The following SLC12A7 variants were observed in gnomAD, a reference collection of about 807,000 sequenced individuals.
The protein encoded by SLC12A7 is solute carrier family 12 member 7.
In SLC12A7, 100 loss-of-function variants were observed where a neutral mutation model predicts 120.6. The observed-to-expected ratio is 0.83, with a 90% confidence interval of 0.71 to 0.98. The LOEUF is 0.98. Ranked by LOEUF, SLC12A7 falls within the 50% of genes least tolerant of loss-of-function variation. The pLI is 0.00. For missense variants in SLC12A7, 1,373 were observed against 1,548.1 expected (o/e 0.89, Z 1.90); for synonymous variants, 760 against 678.0 (o/e 1.12, Z -1.88).
At chr5:1,102,240 T>C (rs1742090483) in intron 1 of SLC12A7, among the ~76,000 whole-genome samples, 1 of 152,154 alleles carries the variant, frequency 6.6e-6, no homozygotes, top group Admixed American at 6.5e-5. Context: ...TGAGAGTGTG[T>C]GTGTCAGATC....
At position 1,102,657 on chromosome 5, in the gene SLC12A7, C is replaced by T. The variant is rs533465089; in HGVS notation, c.125-8409G>A. 2.6e-5 allele frequency among the ~76,000 whole-genome samples: 4 copies of T among 152,270 alleles called. No homozygotes were observed. The East Asian group carries it at 5.8e-4, about 22-fold the overall frequency. ...CGGACCTGTGCACACAGAGAGGCGC[C>T]GGGCCTGGGGCAGGGGACAAGCAAG... On this transcript the variant is annotated intron_variant, in intron 1 of 23. Coordinates refer to ENST00000264930, the MANE Select transcript of SLC12A7 (RefSeq NM_006598.3).
the SLC12A7 span, among the ~76,000 whole-genome samples, chr5:1,134,046 C>G: frequency 6.6e-6 from 1 of 152,198 alleles, no homozygotes; most frequent in East Asian, 1.9e-4. Flanking sequence ...CCACCCCAGA[C>G]AGCCAGAGCC....
the SLC12A7 span, among the ~76,000 whole-genome samples, chr5:1,132,728 C>G: frequency 1.3e-5 from 2 of 152,170 alleles, no homozygotes; most frequent in African/African-American, 4.8e-5. Flanking sequence ...TCCTAAGAGG[C>G]GTGTGCCCAG....
Position 1,064,173 on chromosome 5 carries a change from C to T in SLC12A7, c.2517G>A (p.Glu839=), listed in dbSNP as rs748566611. Residue 839 remains glutamate, a synonymous_variant, in exon 19 of 24, where the codon GAG becomes GAA. Transcript: ENST00000264930. Reference sequence around the variant, plus strand: ...CGTCGATGTGGCCCCCGCCGAAGCGCTCCTGGTTTTGCGGAAACGAGTCGA... The same window carrying T: ...CGTCGATGTGGCCCCCGCCGAAGCGTTCCTGGTTTTGCGGAAACGAGTCGA... The part of the protein sequence containing the change: ...KNVDSFPQNQ[E]RFGGGHIDVW... The T allele has an allele frequency of 1.2e-6, 2 of 1,612,396 alleles. No homozygotes were observed. The highest frequency in any genetic ancestry group is 1.1e-5 in the South Asian group (1 of 91,078).
intron 17 of SLC12A7, among the ~76,000 whole-genome samples, chr5:1,066,946 G>A (rs560482239): frequency 5.0e-4 from 76 of 152,078 alleles, no homozygotes; most frequent in Non-Finnish European, 8.7e-4. Flanking sequence ...GCCACTCAGG[G>A]ATCAGAGCCA....
intron 8 of SLC12A7, among the ~76,000 whole-genome samples, chr5:1,082,785 T>C (rs1186545495): frequency 5.1e-5 from 7 of 138,236 alleles, no homozygotes; most frequent in East Asian, 2.3e-4. Flanking sequence ...CTGGAAAGCC[T>C]GGGCTTCCCG....
the SLC12A7 span, among the ~76,000 whole-genome samples, chr5:1,135,174 G>A: frequency 6.6e-6 from 1 of 152,204 alleles, no homozygotes; most frequent in African/African-American, 2.4e-5. Flanking sequence ...TCATCTGTAA[G>A]ATGGGGATGA....
At chr5:1,062,243 C>T (rs923056480) in intron 20 of SLC12A7, among the ~76,000 whole-genome samples, 11 of 152,198 alleles carry the variant, frequency 7.2e-5, no homozygotes, top group Non-Finnish European at 1.5e-4. Flanking sequence ...CCCACCTGGC[C>T]CCCTGGCAGG....
rs778757997 is a variant in SLC12A7 at position 1,065,460 on chromosome 5, T to C, written c.2260A>G (p.Ser754Gly). 1 of 1,601,240 alleles carries C rather than the reference T, an allele frequency of 6.2e-7. No individual in the cohort carries two copies. Among genetic ancestry groups the C allele is most frequent in the Non-Finnish European group, 8.5e-7 (1 of 1,173,000 alleles). ...CAGAAGCCCTTGGTCTTCTCTGTGC[T>C]CATTAGGGACCGTATGTTCTGCGGG... ...RAEENIRSLMSTEKTKGFCQL... is the reference protein window; with the variant it reads ...RAEENIRSLMGTEKTKGFCQL... Residue 754 changes from serine (S) to glycine (G), a missense_variant, in exon 18 of 24, where the codon AGC (serine) becomes GGC (glycine). Transcript: ENST00000264930.
At chr5:1,142,435 G>T in the SLC12A7 span, among the ~76,000 whole-genome samples, 1 of 30,314 alleles carries the variant, frequency 3.3e-5, no homozygotes, top group South Asian at 1.9e-3. Flanking sequence ...TCTCATCTTC[G>T]CTGTCCCCTC....
intron 22 of SLC12A7, among the ~76,000 whole-genome samples, chr5:1,053,727 C>T (rs544504131): frequency 2.8e-4 from 43 of 152,348 alleles, no homozygotes; most frequent in Non-Finnish European, 5.9e-4. Context: ...AGAACTCAGC[C>T]CACTAAGGCT....
chr5:1,076,060 T>G, intron 14 of SLC12A7, 78 bp downstream of exon 14: 2 of 1,245,556 alleles, frequency 1.6e-6, no homozygotes, highest in Non-Finnish European at 2.3e-6. Flanking sequence ...ACGCCTGTGC[T>G]GAGCGGCCTC....
chr5:1,129,453 C>T, the SLC12A7 span, among the ~76,000 whole-genome samples: 1 of 152,208 alleles, frequency 6.6e-6, no homozygotes, highest in Non-Finnish European at 1.5e-5. Context: ...CGGGCTTCCC[C>T]TAGCGTAAGG....
intron 9 of SLC12A7, among the ~76,000 whole-genome samples, chr5:1,080,371 G>A (rs1308010840): frequency 6.6e-6 from 1 of 152,210 alleles, no homozygotes; most frequent in Admixed American, 6.5e-5. Context: ...GGGGGAGGCT[G>A]GAGCGGAGGT....
rs527823243 is a variant in SLC12A7, at chr5:1,085,471, C to T, written c.678G>A (p.Thr226=). 330 of 1,604,136 alleles carry T rather than the reference C, an allele frequency of 2.1e-4. No individual in the cohort carries two copies. The South Asian group carries it at 3.1e-3, about 15-fold the overall frequency. ...YILGTIEIFL[T]YISPGAAIFQ... The stretch of plus-strand genomic sequence containing the variant: ...AGATGGCCGCACCCGGGGAGATGTA[C>T]GTCTGTGGGAACAAGGCCGGTCGGG... Residue 226 remains threonine (T), a splice_region_variant and synonymous_variant, in exon 7 of 24, where the codon ACG becomes ACA. Transcript: ENST00000264930.
At chr5:1,087,844 G>A (rs1357052140) in intron 5 of SLC12A7, among the ~76,000 whole-genome samples, 1 of 152,206 alleles carries the variant, frequency 6.6e-6, no homozygotes, top group Non-Finnish European at 1.5e-5. Flanking sequence ...ATTACGTATT[G>A]TAATTAACTT....
intron 17 of SLC12A7, among the ~76,000 whole-genome samples, chr5:1,066,043 C>T (rs1037230501): frequency 6.6e-6 from 1 of 152,118 alleles, no homozygotes; most frequent in Non-Finnish European, 1.5e-5. Context: ...GGCTTGACTC[C>T]ATGGGGTTTG....
rs757335472 is a variant in SLC12A7, at chr5:1,085,375, C to A, written c.774G>T (p.Thr258=). The A allele has an allele frequency of 6.2e-7, 1 of 1,612,218 alleles. No individual in the cohort carries two copies. The part of the protein sequence containing the change: ...LHNMRVYGTC[T]LVLMALVVFV... ...AGACCACCAGGGCCATGAGCACGAG[C>A]GTGCACGTGCCGTACACACGCATGT... Residue 258 remains threonine, a synonymous_variant, in exon 7 of 24, where the codon ACG becomes ACT. Coordinates refer to ENST00000264930, the MANE Select transcript of SLC12A7 (RefSeq NM_006598.3).
chr5:1,086,806 C>A (rs1739907547), intron 6 of SLC12A7, 97 bp downstream of exon 6: 1 of 1,505,852 alleles, frequency 6.6e-7, no homozygotes, highest in Non-Finnish European at 9.1e-7. Context: ...CAGGATGGCT[C>A]AGTGTGCTGT....
Sources: gnomAD v4.1 joint callset for allele counts (sites outside exome capture counted in the v4.1 genomes callset) on GRCh38, gnomAD v4.1.1 for gene constraint, MANE v1.5 for transcripts, NCBI Gene and HGNC (gene_info 2026-07-23, HGNC 2026-07-21) for gene names.